The following ZNF462 variants were observed in gnomAD, a reference collection of about 807,000 sequenced individuals.
The protein encoded by ZNF462 is zinc finger PBX1-interacting protein.
In ZNF462, 10 loss-of-function variants were observed where a neutral mutation model predicts 201.9. That is an observed-to-expected ratio of 0.05 (90% CI 0.03 to 0.08). The LOEUF is 0.08. ZNF462 is among the 10% of genes least tolerant of loss of function. The pLI is 1.00. For missense variants in ZNF462, 2,523 were observed against 3,168.3 expected (o/e 0.80, Z 4.89); for synonymous variants, 1,227 against 1,193.3 (o/e 1.03, Z -0.58).
rs77044793 is a variant in ZNF462 at position 106,968,765 on chromosome 9, C to G, written c.6428-3240C>G. Among the ~76,000 whole-genome samples, 3,617 of 152,314 alleles carry G rather than the reference C, an allele frequency of 0.024. 55 individuals are homozygous for G. Among genetic ancestry groups the G allele is most frequent in the Middle Eastern group, 0.092 (27 of 294 alleles). ...GCTGTATTTCCCCATGACCAGAAGT[C>G]TGACTCTCCCAACACAAGGATATTT... On this transcript the variant is annotated intron_variant, in intron 7 of 12. Coordinates refer to ENST00000277225, the MANE Select transcript of ZNF462 (RefSeq NM_021224.6). The surrounding 1 kb of genome is among the most constrained non-coding windows in gnomAD (Gnocchi z 4.0).
intron 10 of ZNF462, among the ~76,000 whole-genome samples, chr9:107,002,640 T>C (rs1025992945): frequency 2.0e-5 from 3 of 152,228 alleles, no homozygotes; most frequent in African/African-American, 7.2e-5. Flanking sequence ...GTTAACACTT[T>C]TAAAGAGCTT....
At chr9:106,946,094 G>C (rs912311854) in intron 7 of ZNF462, among the ~76,000 whole-genome samples, 4 of 152,148 alleles carry the variant, frequency 2.6e-5, no homozygotes, top group African/African-American at 9.7e-5. Context: ...CTGTTCCCAT[G>C]CCAACAAAAA....
intron 1 of ZNF462, among the ~76,000 whole-genome samples, chr9:106,900,203 C>CGTGTGTGTGTGTGTGTGT (rs3056258): frequency 6.7e-5 from 9 of 134,652 alleles, no homozygotes; most frequent in Non-Finnish European, 1.4e-4. Context: ...AGTATTCCAT[C>CGTGTGTGTGTGTGTGTGT]GTGTGTGTGT....
intron 1 of ZNF462, among the ~76,000 whole-genome samples, chr9:106,874,705 G>A (rs546619565): frequency 6.6e-6 from 1 of 152,304 alleles, no homozygotes; most frequent in East Asian, 1.9e-4. Context: ...GGAAGTTTTT[G>A]TCATTCATTC....
intron 1 of ZNF462, among the ~76,000 whole-genome samples, chr9:106,892,954 G>A (rs904559483): frequency 1.3e-5 from 2 of 152,118 alleles, no homozygotes; most frequent in Admixed American, 1.3e-4. Flanking sequence ...TACTGACTTT[G>A]GAACTAGGGG....
intron 1 of ZNF462, among the ~76,000 whole-genome samples, chr9:106,896,305 TA>T (rs1479304710): frequency 6.6e-6 from 1 of 152,186 alleles, no homozygotes; most frequent in Non-Finnish European, 1.5e-5. Flanking sequence ...AGCTGGTCAA[TA>T]AATATTTGTT....
chr9:106,995,419 A>G (rs999642166), intron 10 of ZNF462: 2 of 152,170 alleles, frequency 1.3e-5, no homozygotes. Flanking sequence ...ATTTTGCAAC[A>G]TAACGTTATT....
Position 107,003,804 on chromosome 9 carries a change from T to G in ZNF462, c.7189+378T>G, listed in dbSNP as rs1829362649. 6.6e-6 allele frequency among the ~76,000 whole-genome samples: 1 copy of G among 152,066 alleles called. No homozygotes were observed. The highest frequency in any genetic ancestry group is 6.6e-5 in the Admixed American group (1 of 15,240). On this transcript the variant is annotated intron_variant, in intron 11 of 12. Coordinates refer to ENST00000277225, the MANE Select transcript of ZNF462 (RefSeq NM_021224.6). The surrounding 1 kb of genome is among the most constrained non-coding windows in gnomAD (Gnocchi z 4.4). Reference sequence around the variant, plus strand: ...GAATGAACTTCCAGTTGAATGCATATTTAAAATTGCTGCTGGGGCACACAC... The same window carrying G: ...GAATGAACTTCCAGTTGAATGCATAGTTAAAATTGCTGCTGGGGCACACAC...
chr9:106,984,398 G>A lies in ZNF462; in HGVS notation c.7045G>A (p.Asp2349Asn). Residue 2349 changes from aspartate to asparagine, a missense_variant, in exon 10 of 13, where the codon GAT (aspartate) becomes AAT (asparagine). By Grantham distance (23) the Asp-to-Asn change is conservative (BLOSUM62 1). Around this residue, in one of 15 missense-constraint regions of ZNF462, gnomAD observed 228 missense variants for 361.2 expected, o/e 0.63. Coordinates refer to ENST00000277225, the MANE Select transcript of ZNF462 (RefSeq NM_021224.6). This position sits in a 1 kb window ranked among gnomAD's most constrained non-coding sequence, Gnocchi z 6.4. ...GGAGGAACTGGACAGCCACCTTCGG[G>A]ATGAGCATAAGGTACTTACCAGGAC... ...HTEELDSHLR[D>N]EHKVSRNFEL... The A allele has an allele frequency of 6.2e-7, 1 of 1,613,004 alleles. No homozygotes were observed. The highest frequency in any genetic ancestry group is 8.5e-7 in the Non-Finnish European group (1 of 1,179,540).
rs947455242 is a variant in ZNF462 at position 106,885,478 on chromosome 9, A to G, written c.-31+22123A>G. ...TGGTTGTGTCCTTGCCATGCTTAGA[A>G]GGTTCAAGAAAGGGAGTATAGTCTC... On this transcript the variant is annotated intron_variant, in intron 1 of 12. Coordinates refer to ENST00000277225, the MANE Select transcript of ZNF462 (RefSeq NM_021224.6). The surrounding 1 kb of genome is among the most constrained non-coding windows in gnomAD (Gnocchi z 4.1). 1.1e-4 allele frequency among the ~76,000 whole-genome samples: 17 copies of G among 152,202 alleles called. No homozygotes were observed. Among genetic ancestry groups the G allele is most frequent in the African/African-American group, 4.1e-4 (17 of 41,452 alleles).
Position 106,977,821 on chromosome 9 carries a change from A to G in ZNF462, c.6832+3548A>G, listed in dbSNP as rs564849359. Among the ~76,000 whole-genome samples, 44 of 151,680 alleles carry G rather than the reference A, an allele frequency of 2.9e-4. 1 individual carries two copies. Among genetic ancestry groups the G allele is most frequent in the African/African-American group, 7.8e-4 (32 of 40,956 alleles). ...CAGGGCATATTAGTTTGCAAGGACT[A>G]TTGTAACAAGTGACCACCAAATGTG... is the stretch of plus-strand genomic sequence containing the variant. On this transcript the variant is annotated intron_variant, in intron 9 of 12. Coordinates refer to ENST00000277225, the MANE Select transcript of ZNF462 (RefSeq NM_021224.6). This position sits in a 1 kb window ranked among gnomAD's most constrained non-coding sequence, Gnocchi z 4.6.
intron 10 of ZNF462, among the ~76,000 whole-genome samples, chr9:106,994,498 A>AT (rs200853269): frequency 1.6e-3 from 242 of 151,128 alleles, no homozygotes; most frequent in African/African-American, 5.3e-3. Flanking sequence ...CTTTGGCCAC[A>AT]TTTTTTTTTG....
In ZNF462 at chr9:107,013,159, CTACTT is replaced by C. The variant is rs1173764444; in HGVS notation, c.*2132_*2136del. On this transcript the variant is annotated 3_prime_UTR_variant, in exon 13 of 13. Coordinates refer to ENST00000277225, the MANE Select transcript of ZNF462 (RefSeq NM_021224.6). ...AAATAATTGTGACATGCTTTTATCA[CTACTT>C]TATTTTTCAAATAACATGTAAATAT... 1 of 151,694 alleles carries C rather than the reference CTACTT, an allele frequency of 6.6e-6. No homozygotes were observed. Among genetic ancestry groups the C allele is most frequent in the Non-Finnish European group, 1.5e-5 (1 of 67,964 alleles). The allele number at this position is 151,694 out of a possible 1,614,324, so 9.4% of individuals were successfully genotyped here. A position where few individuals can be genotyped will look rare whatever the true frequency, so the allele number is the denominator to read the frequency against.
At chr9:106,888,324 A>T (rs1828421325) in intron 1 of ZNF462, among the ~76,000 whole-genome samples, 1 of 151,266 alleles carries the variant, frequency 6.6e-6, no homozygotes, top group Non-Finnish European at 1.5e-5. Flanking sequence ...TACAGGCGTG[A>T]GCCACCGCGC....
upstream of ZNF462, among the ~76,000 whole-genome samples, chr9:106,861,001 T>C (rs912972782): frequency 6.6e-6 from 1 of 152,052 alleles, no homozygotes; most frequent in African/African-American, 2.4e-5. Flanking sequence ...CTGCGCCTTG[T>C]TCTCGTCTCC....
intron 1 of ZNF462, among the ~76,000 whole-genome samples, chr9:106,907,429 T>C (rs974696540): frequency 1.4e-5 from 2 of 145,114 alleles, no homozygotes; most frequent in Admixed American, 6.7e-5. Flanking sequence ...TTCATTGATA[T>C]TGTTTCTTCT....
chr9:106,967,879 TCTTG>T (rs1038647498), intron 7 of ZNF462, among the ~76,000 whole-genome samples: 1 of 152,174 alleles, frequency 6.6e-6, no homozygotes, highest in African/African-American at 2.4e-5. Flanking sequence ...TCTTTTTGAG[TCTTG>T]CTTTATTTTT....
chr9:106,989,514 C>G (rs1828104293), intron 10 of ZNF462, among the ~76,000 whole-genome samples: 1 of 151,756 alleles, frequency 6.6e-6, no homozygotes, highest in Non-Finnish European at 1.5e-5. Context: ...TTGGTTATGT[C>G]CTTTGCTGGT....
intron 9 of ZNF462, among the ~76,000 whole-genome samples, chr9:106,982,229 A>C (rs1420867902): frequency 6.6e-6 from 1 of 152,168 alleles, no homozygotes; most frequent in African/African-American, 2.4e-5. Context: ...AGCTGAGGTC[A>C]ATTTGCCTCC....
Sources: allele counts gnomAD v4.1 joint callset (sites outside exome capture counted in the v4.1 genomes callset), GRCh38; gene constraint gnomAD v4.1.1; regional missense constraint gnomAD v4.1.1; non-coding constraint Gnocchi (gnomAD v3.1); transcripts MANE v1.5; gene names NCBI Gene and HGNC (gene_info 2026-07-23, HGNC 2026-07-21).